Variants in DIP2A observed in about 807,000 individuals in gnomAD.
DIP2A encodes DIP2 acetate--CoA ligase A.
DIP2A carries 85 observed loss-of-function variants against 177.4 expected under a neutral mutation model. The ratio of observed to expected loss-of-function variants is 0.48; its 90% CI spans 0.40 to 0.57. DIP2A has a LOEUF of 0.57. DIP2A is among the 20% of genes least tolerant of loss of function. The pLI, the probability that DIP2A is intolerant of heterozygous loss-of-function variation, is 0.00. For missense variants in DIP2A, 1,791 were observed against 2,100.2 expected (o/e 0.85, Z 2.88); for synonymous variants, 886 against 881.8 (o/e 1.00, Z -0.08).
chr21:46,513,811 T>A (rs2058422658), intron 8 of DIP2A, among the ~76,000 whole-genome samples: 1 of 152,172 alleles, frequency 6.6e-6, no homozygotes, highest in Admixed American at 6.6e-5. Context: ...TGTGATGCGA[T>A]GCTCAACTGG....
intron 3 of DIP2A, among the ~76,000 whole-genome samples, chr21:46,490,922 T>C (rs1265859544): frequency 1.3e-5 from 2 of 152,252 alleles, no homozygotes; most frequent in Non-Finnish European, 2.9e-5. Flanking sequence ...TAATGTATGG[T>C]GTAGCTTTAG....
Position 46,563,934 on chromosome 21 carries a change from T to G in DIP2A, c.4164+2T>G, listed in dbSNP as rs1406548314. Reference sequence around the variant, plus strand: ...TTGGGAGACTCACACCTGGGAGAGGTGAGCAGGGGCCCATGGGAGGGGCTT... The same window carrying G: ...TTGGGAGACTCACACCTGGGAGAGGGGAGCAGGGGCCCATGGGAGGGGCTT... On this transcript the variant is annotated splice_donor_variant, in intron 35 of 37. Transcript: ENST00000417564. LOFTEE classifies it high-confidence loss of function. The surrounding 1 kb of genome is among the most constrained non-coding windows in gnomAD (Gnocchi z 4.3). The G allele has an allele frequency of 6.2e-7, 1 of 1,612,440 alleles. No homozygotes were observed. The highest frequency in any genetic ancestry group is 1.1e-5 in the South Asian group (1 of 90,966).
chr21:46,546,951 C>T lies in DIP2A; in HGVS notation c.2431C>T (p.Leu811=), dbSNP rs200230119. Residue 811 remains leucine, a synonymous_variant, in exon 21 of 38, where the codon CTG becomes TTG. Transcript: ENST00000417564. The part of the protein sequence containing the change: ...LVFIVGKLDG[L]MVTGVRRHNA... ...CTTCATCGTGGGCAAACTGGACGGG[C>T]TGATGGTCACTGGAGTTCGCAGACA... 8 of 1,613,962 alleles carry T rather than the reference C, an allele frequency of 5.0e-6. No homozygotes were observed. In the East Asian group the frequency reaches 1.8e-4, roughly 36 times the overall value.
At chr21:46,550,809 AG>A (rs1189841318) in intron 23 of DIP2A, 65 bp downstream of exon 23, 1 of 1,543,740 alleles carries the variant, frequency 6.5e-7, no homozygotes, top group African/African-American at 1.4e-5. Flanking sequence ...GCTTGTGGTT[AG>A]GGTGCGGCCC....
At chr21:46,505,706 GTCC>G (rs1450609889) in intron 6 of DIP2A, among the ~76,000 whole-genome samples, 4 of 152,084 alleles carry the variant, frequency 2.6e-5, no homozygotes, top group African/African-American at 9.7e-5. Context: ...GTGTTCCTTG[GTCC>G]TCCTCTCTTC....
rs725969 is a variant in DIP2A, at chr21:46,544,756, C to T, written c.2177-381C>T. On this transcript the variant is annotated intron_variant, in intron 18 of 37. Transcript: ENST00000417564. ...GGCTCTGGAGCAGGAGATGGTGTCC[C>T]GGGCTCGTGTGTGGTGGTGATGGTC... Among the ~76,000 whole-genome samples the T allele has an allele frequency of 7.3e-3, 1,105 of 152,144 alleles. 10 individuals carry two copies. Among genetic ancestry groups the T allele is most frequent in the African/African-American group, 0.025 (1,053 of 41,498 alleles).
intron 1 of DIP2A, among the ~76,000 whole-genome samples, chr21:46,483,241 C>A (rs1310318889): frequency 6.6e-6 from 1 of 151,676 alleles, no homozygotes; most frequent in African/African-American, 2.4e-5. Flanking sequence ...AAGCAACATG[C>A]ATTCTGCAGA....
chr21:46,480,071 TTG>T (rs200918365), intron 1 of DIP2A, among the ~76,000 whole-genome samples: 28,612 of 144,158 alleles, frequency 0.2, 3,003 homozygotes, highest in East Asian at 0.4. Flanking sequence ...TTTTTTTTTT[TTG>T]TGTGGCATCT....
chr21:46,572,178 A>C (rs999068002), downstream of DIP2A, among the ~76,000 whole-genome samples: 41 of 152,374 alleles, frequency 2.7e-4, no homozygotes, highest in Non-Finnish European at 5.1e-4. Flanking sequence ...ATGTCTAAAA[A>C]TGTTTTGCAC....
chr21:46,545,828 G>C (rs1569083061), intron 19 of DIP2A, 53 bp from the exon 20 acceptor site: 1 of 1,591,494 alleles, frequency 6.3e-7, no homozygotes, highest in Non-Finnish European at 8.6e-7. Context: ...GGTCTTTTTG[G>C]CCAGTTGGTT....
Position 46,458,909 on chromosome 21 carries a change from G to A in DIP2A, c.-223G>A. On this transcript the variant is annotated 5_prime_UTR_variant, in exon 1 of 38. Coordinates refer to ENST00000417564, the MANE Select transcript of DIP2A (RefSeq NM_015151.4). ...CGCTCCCGTGTAGGGCCGGCCGGGC[G>A]CTCAGGAGCGCGCGGGGCAGCGGCG... 4.1e-6 allele frequency: 1 copy of A among 246,340 alleles called. No homozygotes were observed. The highest frequency in any genetic ancestry group is 7.6e-6 in the Non-Finnish European group (1 of 131,382). 15.3% of individuals were successfully genotyped at this position (246,340 alleles called of 1,614,324 possible).
intron 8 of DIP2A, among the ~76,000 whole-genome samples, chr21:46,518,596 T>C (rs1241273526): frequency 6.6e-6 from 1 of 152,192 alleles, no homozygotes; most frequent in Non-Finnish European, 1.5e-5. Context: ...GTGGCTTACA[T>C]CTATACTCCC....
chr21:46,554,341 C>G (rs1457758692), intron 26 of DIP2A, 49 bp downstream of exon 26: 2 of 1,607,266 alleles, frequency 1.2e-6, no homozygotes, highest in Non-Finnish European at 1.7e-6. Context: ...TAAGCAGCCT[C>G]CTATCCTAAG....
chr21:46,533,048 T>C (rs1404432504), intron 10 of DIP2A, among the ~76,000 whole-genome samples: 1 of 152,158 alleles, frequency 6.6e-6, no homozygotes, highest in Non-Finnish European at 1.5e-5. Flanking sequence ...TTTGTCAAAT[T>C]TATATGAAGA....
rs768372604 is a variant in DIP2A at position 46,546,996 on chromosome 21, G to T, written c.2476G>T (p.Ala826Ser). Reference sequence around the variant, plus strand: ...CAGACACAATGCAGATGACGTTGTGGCCACCGCACTGGCCGTGGAGCCCAT... The same window carrying T: ...CAGACACAATGCAGATGACGTTGTGTCCACCGCACTGGCCGTGGAGCCCAT... ...VRRHNADDVV[A>S]TALAVEPMKF... is the part of the protein sequence containing the mutation. The change falls in exon 21 of 38, where the codon GCC becomes TCC. Residue 826 changes from alanine (A) to serine (S), a missense_variant. Physicochemically the swap from Ala to Ser is moderately conservative, Grantham distance 99 (BLOSUM62 1). Transcript: ENST00000417564. 3.1e-6 allele frequency: 5 copies of T among 1,613,856 alleles called. No individual in the cohort carries two copies. The African/African-American group carries it at 5.3e-5, about 17-fold the overall frequency.
chr21:46,477,543 T>TTTTGTGTGTGTGTGTGTGTGTGTA (rs374607636), intron 1 of DIP2A, among the ~76,000 whole-genome samples: 2 of 87,094 alleles, frequency 2.3e-5, no homozygotes, highest in African/African-American at 8.6e-5. Flanking sequence ...AAAAAAAGAT[T>TTTTGTGTGTGTGTGTGTGTGTGTA]TGTGTGTGTG....
Position 46,498,720 on chromosome 21 carries a change from C to A in DIP2A, c.542C>A (p.Ser181Tyr). The part of the protein sequence containing the change: ...IQGSSTSSSA[S>Y]STSSHPGGRP... The stretch of plus-strand genomic sequence containing the variant: ...GGCTCGTCCACCTCATCCTCTGCAT[C>A]CTCCACCTCATCTCACCCGGGAGGG... Residue 181 changes from serine to tyrosine, a missense_variant, in exon 5 of 38, where the codon TCC (serine) becomes TAC (tyrosine). Coordinates refer to ENST00000417564, the MANE Select transcript of DIP2A (RefSeq NM_015151.4). The surrounding 1 kb of genome is among the most constrained non-coding windows in gnomAD (Gnocchi z 4.3). 1 of 1,613,932 alleles carries A rather than the reference C, an allele frequency of 6.2e-7. No homozygotes were observed.
intron 11 of DIP2A, 62 bp from the exon 12 acceptor site, chr21:46,533,942 C>T (rs993834133): frequency 1.4e-6 from 2 of 1,411,810 alleles, no homozygotes; most frequent in East Asian, 2.4e-5. Flanking sequence ...GCGCAGGCTT[C>T]GAGTGTGGGG....
At chr21:46,562,259 C>A (rs1040890680) in intron 34 of DIP2A, among the ~76,000 whole-genome samples, 1 of 152,114 alleles carries the variant, frequency 6.6e-6, no homozygotes, top group Admixed American at 6.5e-5. Flanking sequence ...CTGAGATGGC[C>A]CGAGGACTCC....
Sources: gnomAD v4.1 joint callset for allele counts (sites outside exome capture counted in the v4.1 genomes callset) on GRCh38, gnomAD v4.1.1 for gene constraint, Gnocchi (gnomAD v3.1) non-coding constraint, MANE v1.5 for transcripts, NCBI Gene and HGNC (gene_info 2026-07-23, HGNC 2026-07-21) for gene names.